Variants in CCDC178 observed in about 807,000 individuals in gnomAD.
CCDC178 encodes the protein coiled-coil domain-containing protein 178.
A neutral mutation model predicts 117.4 loss-of-function variants in CCDC178; 126 were observed. That is an observed-to-expected ratio of 1.07 (90% CI 0.93 to 1.24). CCDC178 has a LOEUF of 1.24. CCDC178 is among the 50% of genes most tolerant of loss of function. The probability of loss-of-function intolerance (pLI) is 0.00; values close to 1 mark genes in which losing one functional copy is unlikely to be tolerated. For synonymous variants in CCDC178, 283 were observed against 313.4 expected, an observed-to-expected ratio of 0.90 and a Z score of 1.02; for missense variants, 1,030 against 986.9, an observed-to-expected ratio of 1.04 and a Z score of -0.59.
chr18:33,397,265 G>T, intron 3 of CCDC178, 57 bp from the exon 4 acceptor site: 3 of 1,126,854 alleles, frequency 2.7e-6, no homozygotes, highest in Non-Finnish European at 4.0e-6. Context: ...CAAATATTCT[G>T]CCCTATATTG....
At chr18:33,428,597 T>C (rs1368278842) in intron 2 of CCDC178, among the ~76,000 whole-genome samples, 1 of 151,608 alleles carries the variant, frequency 6.6e-6, no homozygotes. Flanking sequence ...CTGGGCATGG[T>C]GGTGCACGCC....
At chr18:33,046,536 C>T (rs911506827) in intron 21 of CCDC178, among the ~76,000 whole-genome samples, 1 of 145,706 alleles carries the variant, frequency 6.9e-6, no homozygotes, top group Non-Finnish European at 1.5e-5. Context: ...AAAAAAATAA[C>T]CACAGTAATT....
intron 12 of CCDC178, among the ~76,000 whole-genome samples, chr18:33,281,823 G>C (rs2060029413): frequency 6.6e-6 from 1 of 152,160 alleles, no homozygotes; most frequent in South Asian, 2.1e-4. Context: ...TGCTTAAAAT[G>C]AACAGTTACG....
At chr18:32,998,075 A>T (rs1415615577) in intron 21 of CCDC178, among the ~76,000 whole-genome samples, 1 of 152,198 alleles carries the variant, frequency 6.6e-6, no homozygotes, top group Non-Finnish European at 1.5e-5. Flanking sequence ...GGCACCGAAG[A>T]TAGTTGGAAA....
intron 2 of CCDC178, among the ~76,000 whole-genome samples, chr18:33,437,304 A>G (rs954959112): frequency 3.3e-5 from 5 of 152,342 alleles, no homozygotes; most frequent in African/African-American, 1.2e-4. Flanking sequence ...TTGTCCATTA[A>G]ACAACTTACC....
intron 14 of CCDC178, among the ~76,000 whole-genome samples, chr18:33,249,021 T>C (rs1414221372): frequency 1.2e-4 from 19 of 152,210 alleles, no homozygotes; most frequent in Admixed American, 1.2e-3. Flanking sequence ...TGGCCAGTGA[T>C]GATGAGCATT....
At chr18:32,990,984 A>C (rs1486952653) in intron 21 of CCDC178, among the ~76,000 whole-genome samples, 1 of 151,564 alleles carries the variant, frequency 6.6e-6, no homozygotes, top group African/African-American at 2.4e-5. Context: ...TTATATTATG[A>C]GTAGTTATCT....
chr18:33,390,237 T>A (rs1335342434), intron 4 of CCDC178, among the ~76,000 whole-genome samples: 2 of 151,884 alleles, frequency 1.3e-5, no homozygotes, highest in Admixed American at 1.3e-4. Flanking sequence ...AGGAAGTGTT[T>A]CAAAATTCTA....
At chr18:32,961,041 G>A (rs185326415) in intron 22 of CCDC178, among the ~76,000 whole-genome samples, 283 of 152,034 alleles carry the variant, frequency 1.9e-3, no homozygotes, top group African/African-American at 6.6e-3. Flanking sequence ...TATATGTTAT[G>A]TATACACTTT....
intron 21 of CCDC178, among the ~76,000 whole-genome samples, chr18:33,050,333 C>T (rs949671206): frequency 6.6e-6 from 1 of 151,934 alleles, no homozygotes; most frequent in African/African-American, 2.4e-5. Flanking sequence ...TGACAGAAAC[C>T]GCCGAAGTTT....
At chr18:33,432,478 TACACACACACACACACACACAC>T (rs56111462) in intron 2 of CCDC178, among the ~76,000 whole-genome samples, 1 of 143,312 alleles carries the variant, frequency 7.0e-6, no homozygotes, top group Non-Finnish European at 1.5e-5. Flanking sequence ...GCCTTCTCCA[TACACACACACACACACACACAC>T]ACACACACAC....
intron 10 of CCDC178, among the ~76,000 whole-genome samples, chr18:33,327,125 C>T (rs893738041): frequency 6.6e-6 from 1 of 152,098 alleles, no homozygotes; most frequent in Non-Finnish European, 1.5e-5. Context: ...TTACATTTCC[C>T]CCAGCCCTAG....
chr18:33,326,200 G>A (rs2062582303), intron 10 of CCDC178, among the ~76,000 whole-genome samples: 1 of 152,166 alleles, frequency 6.6e-6, no homozygotes. Context: ...CAGTGGGTGT[G>A]GGTAGCTAAA....
intron 9 of CCDC178, among the ~76,000 whole-genome samples, chr18:33,337,621 A>G (rs773126895): frequency 6.6e-6 from 1 of 152,146 alleles, no homozygotes; most frequent in African/African-American, 2.4e-5. Flanking sequence ...CAGCTAACTG[A>G]TCTTCAACAA....
At chr18:33,070,917 T>C (rs16964225) in intron 21 of CCDC178, among the ~76,000 whole-genome samples, 5,473 of 152,020 alleles carry the variant, frequency 0.036, 332 homozygotes, top group African/African-American at 0.12. Flanking sequence ...TAGTATAAAT[T>C]CATTGAGACA....
At chr18:33,419,750 A>G (rs772716863) in intron 2 of CCDC178, among the ~76,000 whole-genome samples, 7 of 152,200 alleles carry the variant, frequency 4.6e-5, no homozygotes, top group Non-Finnish European at 7.3e-5. Context: ...ATCTCACACC[A>G]GTCAGAATGG....
At chr18:33,296,989 A>G (rs2062114077) in intron 11 of CCDC178, among the ~76,000 whole-genome samples, 1 of 152,172 alleles carries the variant, frequency 6.6e-6, no homozygotes, top group African/African-American at 2.4e-5. Context: ...GTGTCACTGC[A>G]CTGCAGCCTA....
chr18:33,368,746 C>A (rs2063255029), intron 6 of CCDC178, among the ~76,000 whole-genome samples: 1 of 151,830 alleles, frequency 6.6e-6, no homozygotes, highest in Admixed American at 6.6e-5. Context: ...TTAGGTATAA[C>A]AATAACCATT....
chr18:33,101,770 T>G (rs1198569498), intron 20 of CCDC178, among the ~76,000 whole-genome samples: 1 of 151,934 alleles, frequency 6.6e-6, no homozygotes, highest in Non-Finnish European at 1.5e-5. Flanking sequence ...AGAGAAAAAC[T>G]GATCTAAGGG....
Sources: gnomAD v4.1 joint callset for allele counts (sites outside exome capture counted in the v4.1 genomes callset) on GRCh38, gnomAD v4.1.1 for gene constraint, MANE v1.5 for transcripts, NCBI Gene and HGNC (gene_info 2026-07-23, HGNC 2026-07-21) for gene names.